PPHLN1: variants seen among roughly 807,000 people sequenced by gnomAD.
PPHLN1 encodes the protein periphilin-1.
PPHLN1 carries 29 observed loss-of-function variants against 51.3 expected under a neutral mutation model. The ratio of observed to expected loss-of-function variants is 0.57; its 90% CI spans 0.42 to 0.77. PPHLN1 has a LOEUF of 0.77. Among genes scored for constraint, PPHLN1 ranks in the 30% least tolerant of loss-of-function variants. The probability of loss-of-function intolerance (pLI) is 0.00; values close to 1 mark genes in which losing one functional copy is unlikely to be tolerated. For synonymous variants in PPHLN1, 147 were observed against 147.8 expected (o/e 0.99, Z 0.04); for missense variants, 436 against 438.4 (o/e 0.99, Z 0.05).
chr12:42,362,078 A>G (rs1159547347), intron 4 of PPHLN1, among the ~76,000 whole-genome samples: 2 of 152,156 alleles, frequency 1.3e-5, no homozygotes, highest in African/African-American at 2.4e-5. Context: ...GTGTGTAACC[A>G]TCCTCAAGAG....
At chr12:42,433,529 T>C (rs2082224200) in intron 9 of PPHLN1, among the ~76,000 whole-genome samples, 1 of 152,194 alleles carries the variant, frequency 6.6e-6, no homozygotes, top group Non-Finnish European at 1.5e-5. Flanking sequence ...TTCACTGTGT[T>C]AGCCAGGATG....
chr12:42,329,307 G>A (rs575733050), intron 1 of PPHLN1, among the ~76,000 whole-genome samples: 251 of 151,888 alleles, frequency 1.7e-3, no homozygotes, highest in Admixed American at 5.1e-3. Context: ...GGGTTTCACC[G>A]TGTTAGCCAG....
intron 9 of PPHLN1, among the ~76,000 whole-genome samples, chr12:42,404,752 G>C (rs1219396647): frequency 6.6e-6 from 1 of 152,158 alleles, no homozygotes; most frequent in Admixed American, 6.5e-5. Flanking sequence ...TTTTGCAGCC[G>C]GGTATGGTGG....
chr12:42,411,049 T>G (rs1210581941), intron 9 of PPHLN1, among the ~76,000 whole-genome samples: 1 of 152,106 alleles, frequency 6.6e-6, no homozygotes. Context: ...AGCTGGAAAA[T>G]TATAGTGTTA....
chr12:42,427,104 A>G (rs1566012861), intron 9 of PPHLN1, among the ~76,000 whole-genome samples: 1 of 152,154 alleles, frequency 6.6e-6, no homozygotes, highest in Non-Finnish European at 1.5e-5. Context: ...GTCAGATCTA[A>G]AATGTGACCT....
chr12:42,365,386 A>T (rs1240115680), intron 4 of PPHLN1, among the ~76,000 whole-genome samples: 3 of 152,202 alleles, frequency 2.0e-5, no homozygotes, highest in Admixed American at 6.5e-5. Context: ...TCAGAATAAG[A>T]AGTAAATGCT....
chr12:42,351,106 A>G (rs1011936234), intron 2 of PPHLN1, among the ~76,000 whole-genome samples: 2 of 152,094 alleles, frequency 1.3e-5, no homozygotes, highest in African/African-American at 4.8e-5. Flanking sequence ...TTTTTAACAT[A>G]TATCTCATTT....
At chr12:42,411,919 A>AAAAAAAAAG (rs1565973074) in intron 9 of PPHLN1, among the ~76,000 whole-genome samples, 1 of 118,658 alleles carries the variant, frequency 8.4e-6, no homozygotes, top group Non-Finnish European at 1.8e-5. Context: ...AAAAAAAAAA[A>AAAAAAAAAG]AAAAGGGCTG....
At chr12:42,420,665 TCCCGCCCTCCCCTCCCCTCCCCTCCCCTC>T (rs2080913908) in intron 9 of PPHLN1, among the ~76,000 whole-genome samples, 1 of 32,642 alleles carries the variant, frequency 3.1e-5, no homozygotes, top group Non-Finnish European at 5.9e-5. Context: ...CCTCCTTCCC[TCCCGCCCTCCCCTCCCCTCCCCTCCCCTC>T]CCCTCCCTCC....
At chr12:42,433,219 T>A (rs992908224) in intron 9 of PPHLN1, 14 of 754,422 alleles carry the variant, frequency 1.9e-5, no homozygotes, top group Non-Finnish European at 3.2e-5. Flanking sequence ...TCTTGGTCAT[T>A]TGCTCTTGAA....
intron 9 of PPHLN1, among the ~76,000 whole-genome samples, chr12:42,438,987 G>A (rs1419965211): frequency 6.6e-6 from 1 of 152,148 alleles, no homozygotes; most frequent in Non-Finnish European, 1.5e-5. Flanking sequence ...CTCCGAGTCT[G>A]TAGCTTGTTT....
chr12:42,403,637 T>C (rs2079032001), intron 9 of PPHLN1, among the ~76,000 whole-genome samples: 1 of 152,196 alleles, frequency 6.6e-6, no homozygotes, highest in East Asian at 1.9e-4. Flanking sequence ...ACATCAAATA[T>C]AAAATCTAGA....
intron 4 of PPHLN1, among the ~76,000 whole-genome samples, chr12:42,367,365 A>T (rs1304792640): frequency 6.6e-6 from 1 of 152,116 alleles, no homozygotes; most frequent in Non-Finnish European, 1.5e-5. Context: ...ATCCCCTAGT[A>T]TAAAAACACA....
rs35335129 is a variant in PPHLN1, at chr12:42,344,708, A to ATTTTTTT, written c.73-7165_73-7159dup. ...CTTATGAGATTTAACAACAGTGTGG[A>ATTTTTTT]TTTTTTTTTTTTTTTTTTGAGACAG... On this transcript the variant is annotated intron_variant, in intron 2 of 9. Coordinates refer to ENST00000358314, the MANE Select transcript of PPHLN1 (RefSeq NM_201439.2). 2.4e-4 allele frequency among the ~76,000 whole-genome samples: 32 copies of ATTTTTTT among 134,088 alleles called. 1 individual carries two copies. Among genetic ancestry groups the ATTTTTTT allele is most frequent in the African/African-American group, 7.7e-4 (28 of 36,140 alleles). The allele number at this position is 134,088 out of a possible 152,430, so 88.0% of individuals were successfully genotyped here.
intron 2 of PPHLN1, 123 bp from the exon 3 acceptor site, chr12:42,351,762 C>T (rs758428303): frequency 6.8e-5 from 44 of 651,446 alleles, no homozygotes; most frequent in Non-Finnish European, 9.3e-5. Context: ...ATTTCATTAA[C>T]GCTTTTGTTT....
intron 9 of PPHLN1, among the ~76,000 whole-genome samples, chr12:42,403,734 G>T (rs941977430): frequency 5.3e-5 from 8 of 152,080 alleles, no homozygotes; most frequent in Admixed American, 3.9e-4. Flanking sequence ...CTTATCCTTG[G>T]GGATGTTACC....
intron 2 of PPHLN1, among the ~76,000 whole-genome samples, chr12:42,347,429 G>A (rs2138076828): frequency 6.6e-6 from 1 of 152,226 alleles, no homozygotes; most frequent in South Asian, 2.1e-4. Context: ...GTTATTATTT[G>A]TATTCATGTC....
intron 4 of PPHLN1, among the ~76,000 whole-genome samples, chr12:42,359,888 A>G (rs900807327): frequency 6.6e-6 from 1 of 152,246 alleles, no homozygotes; most frequent in South Asian, 2.1e-4. Flanking sequence ...CAGGCAGATC[A>G]CATGAGGTCA....
chr12:42,383,983 C>CAAAAAAAAAAAAAAA (rs61016692), intron 5 of PPHLN1, among the ~76,000 whole-genome samples: 9 of 51,642 alleles, frequency 1.7e-4, no homozygotes, highest in Non-Finnish European at 2.4e-4. Context: ...GACTGTGTCT[C>CAAAAAAAAAAAAAAA]AAAAAAAAAA....
Sources: gnomAD v4.1 joint callset for allele counts (sites outside exome capture counted in the v4.1 genomes callset) on GRCh38, gnomAD v4.1.1 for gene constraint, MANE v1.5 for transcripts, NCBI Gene and HGNC (gene_info 2026-07-23, HGNC 2026-07-21) for gene names.